CDH13: variants seen among roughly 807,000 people sequenced by gnomAD.
CDH13 encodes the protein cadherin-13.
In CDH13, 24 loss-of-function variants were observed where a neutral mutation model predicts 63.8. The observed-to-expected ratio is 0.38, with a 90% CI of 0.27 to 0.53. CDH13 has a LOEUF of 0.53. Among genes scored for constraint, CDH13 ranks in the 20% least tolerant of loss-of-function variants. The probability of loss-of-function intolerance (pLI) is 0.85; values close to 1 mark genes in which losing one functional copy is unlikely to be tolerated. For synonymous variants in CDH13, 503 were observed against 355.3 expected, an observed-to-expected ratio of 1.42 and a Z score of -4.67; for missense variants, 1,049 against 903.1, an observed-to-expected ratio of 1.16 and a Z score of -2.07.
chr16:83,408,596 G>A (rs868150194), intron 6 of CDH13, among the ~76,000 whole-genome samples: 4 of 152,144 alleles, frequency 2.6e-5, no homozygotes, highest in East Asian at 1.9e-4. Flanking sequence ...AGGAAAGCTC[G>A]ATTATAATCT....
chr16:83,314,208 C>T (rs1033019412), intron 5 of CDH13, among the ~76,000 whole-genome samples: 1 of 152,100 alleles, frequency 6.6e-6, no homozygotes, highest in Non-Finnish European at 1.5e-5. Flanking sequence ...GGGAAACGGA[C>T]AATCTATAAT....
At chr16:83,391,978 G>A (rs1169977582) in intron 6 of CDH13, among the ~76,000 whole-genome samples, 2 of 152,030 alleles carry the variant, frequency 1.3e-5, no homozygotes, top group Non-Finnish European at 2.9e-5. Context: ...ATGTATGTGG[G>A]GCAACTCTAT....
Position 83,602,784 on chromosome 16 carries a change from A to AT in CDH13, c.1101+190_1101+191insT, listed in dbSNP as rs34809094. Among the ~76,000 whole-genome samples, 13,571 of 152,210 alleles carry AT rather than the reference A, an allele frequency of 0.089. 1,366 individuals are homozygous for AT. Among genetic ancestry groups the AT allele is most frequent in the African/African-American group, 0.24 (9,944 of 41,478 alleles). The stretch of plus-strand genomic sequence containing the variant: ...ATTTTGTGTTTGTGTGTGAGGCTAA[A>AT]ATACTAGAGCACGGTGAGAACAAGA... On this transcript the variant is annotated intron_variant, in intron 8 of 13. Coordinates refer to ENST00000567109, the MANE Select transcript of CDH13 (RefSeq NM_001257.5).
rs188160403 is a variant in CDH13, at chr16:83,070,436, C to T, written c.366+38218C>T. On this transcript the variant is annotated intron_variant, in intron 3 of 13. Transcript: ENST00000567109. Reference sequence around the variant, plus strand: ...TCTTCTTAAAGAATAAGTTAAGATACATTGATTTCATTTCACAACTTGCAC... The same window carrying T: ...TCTTCTTAAAGAATAAGTTAAGATATATTGATTTCATTTCACAACTTGCAC... Among the ~76,000 whole-genome samples, 7 of 152,198 alleles carry T rather than the reference C, an allele frequency of 4.6e-5. No homozygotes were observed. The East Asian group carries it at 1.3e-3, about 29-fold the overall frequency.
chr16:83,631,111 G>A (rs17766794), intron 8 of CDH13, among the ~76,000 whole-genome samples: 2 of 152,130 alleles, frequency 1.3e-5, no homozygotes, highest in African/African-American at 4.8e-5. Context: ...CATGGTTCTA[G>A]TGAATGTAAG....
In CDH13 at chr16:82,725,821, C is replaced by T. The variant is rs186511730; in HGVS notation, c.45+98684C>T. Among the ~76,000 whole-genome samples, 25 of 152,268 alleles carry T rather than the reference C, an allele frequency of 1.6e-4. No individual in the cohort carries two copies. In the East Asian group the frequency reaches 4.8e-3, roughly 29 times the overall value. ...AGACTTACTTATTACCAGGTTATTT[C>T]AGGCAAGAGTGATTTTTAACTCATT... On this transcript the variant is annotated intron_variant, in intron 1 of 13. Transcript: ENST00000567109.
chr16:83,359,473 C>T (rs996009394), intron 6 of CDH13, among the ~76,000 whole-genome samples: 7 of 152,114 alleles, frequency 4.6e-5, no homozygotes, highest in African/African-American at 1.4e-4. Context: ...CGTCACCCAG[C>T]AGCTTGCAGG....
rs147778730 is a variant in CDH13, at chr16:83,046,417, A to G, written c.366+14199A>G. Among the ~76,000 whole-genome samples the G allele has an allele frequency of 4.4e-3, 671 of 152,336 alleles. 2 individuals carry two copies. Among genetic ancestry groups the G allele is most frequent in the Non-Finnish European group, 7.8e-3 (528 of 68,028 alleles). On this transcript the variant is annotated intron_variant, in intron 3 of 13. Transcript: ENST00000567109. ...ACTTATTTTTCTTTCTCTATCACAC[A>G]AAGAAAGTCAATTCTCTAAGAAAAA...
intron 5 of CDH13, 114 bp downstream of exon 5, chr16:83,217,611 CT>C: frequency 1.9e-6 from 2 of 1,044,804 alleles, no homozygotes; most frequent in Non-Finnish European, 2.8e-6. Flanking sequence ...GACTGCATGG[CT>C]TTAGGGTGTT....
chr16:83,195,688 A>G (rs2038858059), intron 4 of CDH13, among the ~76,000 whole-genome samples: 1 of 152,106 alleles, frequency 6.6e-6, no homozygotes, highest in Non-Finnish European at 1.5e-5. Context: ...TTGGGCAGGC[A>G]CACAGATCCA....
chr16:82,983,066 C>T (rs537147533), intron 2 of CDH13, among the ~76,000 whole-genome samples: 2 of 152,200 alleles, frequency 1.3e-5, no homozygotes, highest in East Asian at 1.9e-4. Context: ...TTTGGGCTGA[C>T]GCTATGGTTT....
At chr16:83,222,694 G>C (rs535776805) in intron 5 of CDH13, among the ~76,000 whole-genome samples, 4 of 151,926 alleles carry the variant, frequency 2.6e-5, no homozygotes, top group East Asian at 1.9e-4. Context: ...TCTTAGCCAG[G>C]GTTCTTGGTG....
intron 3 of CDH13, among the ~76,000 whole-genome samples, chr16:83,096,400 G>C (rs1009101843): frequency 6.6e-6 from 1 of 152,180 alleles, no homozygotes; most frequent in Non-Finnish European, 1.5e-5. Flanking sequence ...CCTGTTCCTG[G>C]GAAAGTTATC....
chr16:82,967,873 A>G (rs748124840), intron 2 of CDH13, among the ~76,000 whole-genome samples: 14 of 152,152 alleles, frequency 9.2e-5, no homozygotes, highest in Non-Finnish European at 1.5e-4. Context: ...TTTGTAACTA[A>G]CAAGGGTCTT....
chr16:82,790,891 A>T (rs2036265087), intron 1 of CDH13, among the ~76,000 whole-genome samples: 1 of 152,184 alleles, frequency 6.6e-6, no homozygotes, highest in Non-Finnish European at 1.5e-5. Flanking sequence ...CCCTTGACAT[A>T]TGTGGATTGT....
chr16:83,726,649 C>G (rs1203571123), intron 10 of CDH13, among the ~76,000 whole-genome samples: 1 of 152,172 alleles, frequency 6.6e-6, no homozygotes, highest in Non-Finnish European at 1.5e-5. Flanking sequence ...TCCTGGCTAA[C>G]ACGGTGAAAC....
intron 6 of CDH13, among the ~76,000 whole-genome samples, chr16:83,397,186 T>A (rs1463171872): frequency 1.3e-5 from 2 of 152,134 alleles, no homozygotes; most frequent in Non-Finnish European, 2.9e-5. Context: ...AAGTTGTGTT[T>A]CCCCAAGGCC....
At chr16:83,235,719 A>G (rs1445072991) in intron 5 of CDH13, among the ~76,000 whole-genome samples, 1 of 152,074 alleles carries the variant, frequency 6.6e-6, no homozygotes, top group Non-Finnish European at 1.5e-5. Context: ...TTTATTGAAA[A>G]TTATGTAGAT....
intron 8 of CDH13, among the ~76,000 whole-genome samples, chr16:83,619,552 A>AT (rs1312582646): frequency 6.6e-6 from 1 of 152,168 alleles, no homozygotes; most frequent in East Asian, 1.9e-4. Context: ...GGGAGAGAGA[A>AT]TTGGTTTGAT....
Sources: gnomAD v4.1 joint callset for allele counts (sites outside exome capture counted in the v4.1 genomes callset) on GRCh38, gnomAD v4.1.1 for gene constraint, MANE v1.5 for transcripts, NCBI Gene and HGNC (gene_info 2026-07-23, HGNC 2026-07-21) for gene names.